Variants in ERLIN1 observed in about 807,000 individuals in gnomAD.
ERLIN1 encodes the protein erlin-1.
In ERLIN1, 24 loss-of-function variants were observed where a neutral mutation model predicts 46.9. The ratio of observed to expected loss-of-function variants is 0.51; its 90% CI spans 0.37 to 0.72. The LOEUF (loss-of-function observed/expected upper bound fraction) is 0.72, where lower values mean the gene tolerates loss of function less well. Ranked by LOEUF, ERLIN1 falls within the 30% of genes least tolerant of loss-of-function variation. The pLI is 0.00. For synonymous variants in ERLIN1, 158 were observed against 143.2 expected (o/e 1.10, Z -0.74); for missense variants, 293 against 417.9 (o/e 0.70, Z 2.61).
At chr10:100,174,150 A>T in intron 6 of ERLIN1, 58 bp downstream of exon 6, 1 of 1,037,838 alleles carries the variant, frequency 9.6e-7, no homozygotes, top group South Asian at 1.4e-5. Context: ...CAATGAAAGG[A>T]GGAACAAACT....
At chr10:100,169,959 A>C (rs911481928) in intron 6 of ERLIN1, among the ~76,000 whole-genome samples, 5 of 152,112 alleles carry the variant, frequency 3.3e-5, no homozygotes, top group Non-Finnish European at 7.4e-5. Flanking sequence ...TCAAGGCTGC[A>C]GTGACCTATG....
chr10:100,159,637 T>TA (rs1283764229), intron 8 of ERLIN1, among the ~76,000 whole-genome samples: 1 of 152,042 alleles, frequency 6.6e-6, no homozygotes, highest in African/African-American at 2.4e-5. Flanking sequence ...CAAAACCCAC[T>TA]AAACCAGAAA....
rs778506214 is a variant in ERLIN1 at position 100,152,354 on chromosome 10, T to G, written c.826-2A>C. On this transcript the variant is annotated splice_acceptor_variant, in intron 10 of 10. Transcript: ENST00000421367. LOFTEE classifies it high-confidence loss of function. Reference sequence around the variant, plus strand: ...CAGATATTCCGGGGTCAACTTGTGCTGTGTGGGAGCAAACAAGAGCAAAGG... The same window carrying G: ...CAGATATTCCGGGGTCAACTTGTGCGGTGTGGGAGCAAACAAGAGCAAAGG... 1.9e-6 allele frequency: 3 copies of G among 1,585,566 alleles called. No homozygotes were observed. The African/African-American group carries it at 4.0e-5, about 21-fold the overall frequency.
chr10:100,154,726 A>C, intron 10 of ERLIN1, 134 bp downstream of exon 10: 1 of 685,732 alleles, frequency 1.5e-6, no homozygotes, highest in Non-Finnish European at 2.5e-6. Flanking sequence ...CTAACTGACT[A>C]ATTCTGGAGG....
chr10:100,159,587 T>C (rs970121985), intron 8 of ERLIN1, among the ~76,000 whole-genome samples: 1 of 152,004 alleles, frequency 6.6e-6, no homozygotes, highest in African/African-American at 2.4e-5. Context: ...CTGACTACAA[T>C]GTAGTAACAC....
chr10:100,180,720 G>A (rs1461994248), intron 2 of ERLIN1, among the ~76,000 whole-genome samples: 1 of 152,174 alleles, frequency 6.6e-6, no homozygotes, highest in East Asian at 1.9e-4. Context: ...AATGCTGGCT[G>A]GGGAGTTTGG....
chr10:100,158,544 T>G (rs1455327820), intron 8 of ERLIN1, among the ~76,000 whole-genome samples: 5 of 149,170 alleles, frequency 3.4e-5, no homozygotes, highest in African/African-American at 1.3e-4. Flanking sequence ...GAAAAAAAAA[T>G]TACTAGAAAA....
At chr10:100,160,181 G>A (rs780527808) in intron 8 of ERLIN1, among the ~76,000 whole-genome samples, 4 of 151,902 alleles carry the variant, frequency 2.6e-5, no homozygotes, top group Non-Finnish European at 5.9e-5. Flanking sequence ...ACCAAAACTG[G>A]CTTAAAAAGA....
At chr10:100,163,968 T>C in intron 8 of ERLIN1, 36 bp downstream of exon 8, 1 of 1,356,690 alleles carries the variant, frequency 7.4e-7, no homozygotes, top group Non-Finnish European at 1.1e-6. Flanking sequence ...CAAACAAATG[T>C]ACTTAGAGAC....
intron 7 of ERLIN1, among the ~76,000 whole-genome samples, chr10:100,165,441 C>CA (rs1304385470): frequency 6.8e-6 from 1 of 146,108 alleles, no homozygotes; most frequent in Non-Finnish European, 1.5e-5. Flanking sequence ...GGCTGGAGTG[C>CA]AGTGGCACTA....
rs370180691 is a variant in ERLIN1 at position 100,156,128 on chromosome 10, C to T, written c.745+17G>A. 7 of 1,567,240 alleles carry T rather than the reference C, an allele frequency of 4.5e-6. No homozygotes were observed. The African/African-American group carries it at 5.4e-5, about 12-fold the overall frequency. ...AGTTCGGGACAGGCAGAGCTTCATCCTCTCCCCACAATGTACCTTCGATTT... is the reference window on the plus strand; with the variant it reads ...AGTTCGGGACAGGCAGAGCTTCATCTTCTCCCCACAATGTACCTTCGATTT... On this transcript the variant is annotated intron_variant, in intron 9 of 10. Transcript: ENST00000421367.
Position 100,152,349 on chromosome 10 carries a change from TG to T in ERLIN1, c.828del (p.His276GlnfsTer3), listed in dbSNP as rs756947978. The T allele has an allele frequency of 6.2e-7, 1 of 1,601,150 alleles. No homozygotes were observed. Among genetic ancestry groups the T allele is most frequent in the Non-Finnish European group, 8.6e-7 (1 of 1,167,860 alleles). On this transcript the variant is annotated frameshift_variant and splice_region_variant, in exon 11 of 11. Transcript: ENST00000421367. LOFTEE classifies it high-confidence loss of function. Reference protein sequence around the residue: ...AAHKYATSNKHKLTPEYLELK... With the variant: ...AAHKYATSNKXKLTPEYLELK... ...AGCTCCAGATATTCCGGGGTCAACTTGTGCTGTGTGGGAGCAAACAAGAGCA... is the reference window on the plus strand; with the variant it reads ...AGCTCCAGATATTCCGGGGTCAACTTTGCTGTGTGGGAGCAAACAAGAGCA...
At chr10:100,171,997 G>C (rs1190684758) in intron 6 of ERLIN1, among the ~76,000 whole-genome samples, 1 of 152,094 alleles carries the variant, frequency 6.6e-6, no homozygotes, top group Non-Finnish European at 1.5e-5. Flanking sequence ...AGGTGATTCG[G>C]TAGTATGTAT....
chr10:100,161,982 C>T (rs1843384480), intron 8 of ERLIN1, among the ~76,000 whole-genome samples: 1 of 152,062 alleles, frequency 6.6e-6, no homozygotes, highest in African/African-American at 2.4e-5. Flanking sequence ...GAATAAAAGT[C>T]TTACTTTGGA....
intron 1 of ERLIN1, 105 bp downstream of exon 1, chr10:100,185,409 G>A (rs750959611): frequency 1.2e-6 from 1 of 865,494 alleles, no homozygotes; most frequent in Non-Finnish European, 1.9e-6. Flanking sequence ...CTAGAGATGG[G>A]ACATGCGCCC....
intron 10 of ERLIN1, 45 bp from the exon 11 acceptor site, chr10:100,152,397 G>GC (rs769745292): frequency 9.3e-7 from 1 of 1,076,918 alleles, no homozygotes; most frequent in Non-Finnish European, 1.5e-6. Context: ...ATACTCTGGT[G>GC]CAACAGTCTT....
intron 9 of ERLIN1, among the ~76,000 whole-genome samples, chr10:100,155,761 G>A (rs1022264550): frequency 3.9e-5 from 6 of 152,132 alleles, no homozygotes; most frequent in South Asian, 2.1e-4. Flanking sequence ...TGATCCGCCC[G>A]CCTCGGCCTC....
Position 100,176,124 on chromosome 10 carries a change from T to G in ERLIN1, c.305-54A>C. On this transcript the variant is annotated intron_variant, in intron 4 of 10. Transcript: ENST00000421367. ...TTTACCCAACAATGACACAGGTACC[T>G]TCAAATTCAGCCAGGGTAAAAGTCA... is the stretch of plus-strand genomic sequence containing the variant. 2.0e-6 allele frequency: 3 copies of G among 1,521,502 alleles called. No homozygotes were observed. The Middle Eastern group carries it at 5.2e-4, about 265-fold the overall frequency. The allele number at this position is 1,521,502 out of a possible 1,614,324, so 94.3% of individuals were successfully genotyped here.
rs533965946 is a variant in ERLIN1, at chr10:100,183,711, A to G, written c.195+45T>C. ...ACCCACAAGTGTGGTAACTCCTGTC[A>G]TGCCTGTCTATCTGGTATGGAGGCT... On this transcript the variant is annotated intron_variant, in intron 2 of 10. Coordinates refer to ENST00000421367, the MANE Select transcript of ERLIN1 (RefSeq NM_006459.4). 1.2e-5 allele frequency: 16 copies of G among 1,320,396 alleles called. No individual in the cohort carries two copies. In the East Asian group the frequency reaches 3.5e-4, roughly 29 times the overall value. 81.8% of individuals were successfully genotyped at this position (1,320,396 alleles called of 1,614,324 possible). A position where few individuals can be genotyped will look rare whatever the true frequency, so the allele number is the denominator to read the frequency against.
Sources: allele counts gnomAD v4.1 joint callset (sites outside exome capture counted in the v4.1 genomes callset), GRCh38; gene constraint gnomAD v4.1.1; transcripts MANE v1.5; gene names NCBI Gene and HGNC (gene_info 2026-07-23, HGNC 2026-07-21).